Variants in NAA15 observed in about 807,000 individuals in gnomAD.
NAA15 encodes the protein N-terminal acetyltransferase.
Under a neutral mutation model 114.0 loss-of-function variants are expected in NAA15, and 34 were observed. The observed-to-expected ratio is 0.30, with a 90% confidence interval of 0.23 to 0.40. The LOEUF is 0.40. Among genes scored for constraint, NAA15 ranks in the 10% least tolerant of loss-of-function variants. NAA15 has a pLI of 1.00. For synonymous variants in NAA15, 340 were observed against 338.0 expected, an observed-to-expected ratio of 1.01 and a Z score of -0.06; for missense variants, 658 against 1,004.5, an observed-to-expected ratio of 0.66 and a Z score of 4.66.
At chr4:139,386,857 A>G (rs781444732) in intron 19 of NAA15, among the ~76,000 whole-genome samples, 1 of 152,220 alleles carries the variant, frequency 6.6e-6, no homozygotes, top group African/African-American at 2.4e-5. Context: ...GGGGCTAAAT[A>G]AAAATACTTA....
At chr4:139,309,002 T>G (rs1746123453) in intron 1 of NAA15, among the ~76,000 whole-genome samples, 1 of 152,178 alleles carries the variant, frequency 6.6e-6, no homozygotes, top group South Asian at 2.1e-4. Context: ...TATATATGTG[T>G]ATATAATGTG....
At chr4:139,304,029 T>A (rs780169071) in intron 1 of NAA15, among the ~76,000 whole-genome samples, 1 of 152,182 alleles carries the variant, frequency 6.6e-6, no homozygotes, top group Non-Finnish European at 1.5e-5. Context: ...GCCATTCTCC[T>A]GCCTTAGCCT....
chr4:139,377,417 A>G (rs1748620791), intron 16 of NAA15, among the ~76,000 whole-genome samples: 1 of 152,162 alleles, frequency 6.6e-6, no homozygotes, highest in Non-Finnish European at 1.5e-5. Flanking sequence ...ACATGCCTGT[A>G]ATCCCAGCTA....
intron 1 of NAA15, among the ~76,000 whole-genome samples, chr4:139,314,998 C>CAGTTCAGTTCAGTTCAGTTCAGTTT (rs1553992502): frequency 3.0e-5 from 2 of 66,664 alleles, no homozygotes; most frequent in African/African-American, 1.6e-4. Flanking sequence ...CAGTTCAGTT[C>CAGTTCAGTTCAGTTCAGTTCAGTTT]AGTTTAGTTT....
At chr4:139,354,342 A>G (rs1183345029) in intron 10 of NAA15, among the ~76,000 whole-genome samples, 4 of 152,134 alleles carry the variant, frequency 2.6e-5, no homozygotes, top group African/African-American at 9.7e-5. Flanking sequence ...TCTGTTCCCC[A>G]GGCTGGAGTG....
intron 13 of NAA15, 64 bp from the exon 14 acceptor site, chr4:139,361,660 G>A (rs562371479): frequency 1.6e-4 from 158 of 1,017,962 alleles, no homozygotes; most frequent in Admixed American, 3.3e-4. Flanking sequence ...CCAATGCTTT[G>A]ATTTTATAGT....
chr4:139,309,118 C>T (rs906291012), intron 1 of NAA15, among the ~76,000 whole-genome samples: 8 of 151,158 alleles, frequency 5.3e-5, no homozygotes, highest in Admixed American at 4.0e-4. Flanking sequence ...GAGGCTGAGG[C>T]GGGTGGATCA....
At chr4:139,350,675 G>A (rs940825509) in intron 7 of NAA15, among the ~76,000 whole-genome samples, 1 of 152,190 alleles carries the variant, frequency 6.6e-6, no homozygotes, top group Non-Finnish European at 1.5e-5. Context: ...AGCAAGGAAT[G>A]GTAATCACCA....
At chr4:139,356,110 A>G (rs1020932362) in intron 10 of NAA15, among the ~76,000 whole-genome samples, 1 of 152,246 alleles carries the variant, frequency 6.6e-6, no homozygotes, top group Non-Finnish European at 1.5e-5. Context: ...TCATGGATTT[A>G]AGCATATTTG....
At chr4:139,329,523 T>G (rs968463236) in intron 1 of NAA15, among the ~76,000 whole-genome samples, 1 of 152,154 alleles carries the variant, frequency 6.6e-6, no homozygotes, top group African/African-American at 2.4e-5. Flanking sequence ...TTTGTTAGGG[T>G]GGGTCTAAAG....
chr4:139,361,183 A>G (rs1424070573), intron 13 of NAA15, among the ~76,000 whole-genome samples: 1 of 152,110 alleles, frequency 6.6e-6, no homozygotes, highest in Non-Finnish European at 1.5e-5. Context: ...CATTTGCAAT[A>G]TTGTCAAGTA....
intron 14 of NAA15, among the ~76,000 whole-genome samples, chr4:139,367,707 C>T (rs1748321490): frequency 6.6e-6 from 1 of 152,212 alleles, no homozygotes. Context: ...TTTGCCTTCC[C>T]TCTTGACATA....
At position 139,340,909 on chromosome 4, in the gene NAA15, T is replaced by C; in HGVS notation, c.245-3T>C. On this transcript the variant is annotated splice_region_variant and splice_polypyrimidine_tract_variant and intron_variant, in intron 3 of 19. Coordinates refer to ENST00000296543, the MANE Select transcript of NAA15 (RefSeq NM_057175.5). ...AGGTTGTACCCTTAACTAAATTCTT[T>C]AGGTTGGCACGTTTATGGCCTTCTT... The C allele has an allele frequency of 6.5e-7, 1 of 1,535,954 alleles. No homozygotes were observed. The highest frequency in any genetic ancestry group is 8.7e-7 in the Non-Finnish European group (1 of 1,146,212).
At chr4:139,364,987 C>T (rs1436149724) in intron 14 of NAA15, among the ~76,000 whole-genome samples, 2 of 152,008 alleles carry the variant, frequency 1.3e-5, no homozygotes, top group African/African-American at 4.8e-5. Context: ...TATTTGCTGC[C>T]TTTTTTTCTA....
chr4:139,311,598 C>A (rs1406185177), intron 1 of NAA15, among the ~76,000 whole-genome samples: 1 of 151,734 alleles, frequency 6.6e-6, no homozygotes, highest in Non-Finnish European at 1.5e-5. Flanking sequence ...GTTATTGTTT[C>A]TTTGGTTTTG....
chr4:139,341,925 T>C (rs1162583768), intron 4 of NAA15, among the ~76,000 whole-genome samples: 1 of 152,072 alleles, frequency 6.6e-6, no homozygotes, highest in Non-Finnish European at 1.5e-5. Flanking sequence ...TTTCACCATG[T>C]TGCTCAGGCT....
chr4:139,330,420 T>A (rs1366884503), intron 1 of NAA15, among the ~76,000 whole-genome samples: 1 of 152,206 alleles, frequency 6.6e-6, no homozygotes, highest in Non-Finnish European at 1.5e-5. Context: ...TTTCTCCTCC[T>A]CTTATCCCTG....
rs1227065652 is a variant in NAA15, at chr4:139,361,910, G to A, written c.1726G>A (p.Glu576Lys). 5 of 1,613,052 alleles carry A rather than the reference G, an allele frequency of 3.1e-6. No homozygotes were observed. The highest frequency in any genetic ancestry group is 1.1e-5 in the South Asian group (1 of 90,964). ...LKLHDNPLTD[E>K]NKEHEADTAN... The stretch of plus-strand genomic sequence containing the variant: ...GCTTCATGACAACCCCCTTACAGAT[G>A]AGAATAAAGAACACGAAGCTGATAC... The change falls in exon 14 of 20, where the codon GAG (glutamate) becomes AAG (lysine). Residue 576 changes from glutamate to lysine, a missense_variant. Physicochemically the swap from Glu to Lys is moderately conservative, Grantham distance 56. This residue lies in a region of NAA15 where 275 missense variants were observed against 371.1 expected (regional missense o/e 0.74). Coordinates refer to ENST00000296543, the MANE Select transcript of NAA15 (RefSeq NM_057175.5).
At chr4:139,338,133 G>A (rs1263219567) in intron 3 of NAA15, among the ~76,000 whole-genome samples, 1 of 152,192 alleles carries the variant, frequency 6.6e-6, no homozygotes, top group Non-Finnish European at 1.5e-5. Context: ...ATGAGAGTCA[G>A]TTGTGTGGCT....
Sources: allele counts gnomAD v4.1 joint callset (sites outside exome capture counted in the v4.1 genomes callset), GRCh38; gene constraint gnomAD v4.1.1; regional missense constraint gnomAD v4.1.1; transcripts MANE v1.5; gene names NCBI Gene and HGNC (gene_info 2026-07-23, HGNC 2026-07-21).